PFKL: variants seen among roughly 807,000 people sequenced by gnomAD.
PFKL encodes phosphofructokinase, liver type.
Under a neutral mutation model 92.1 loss-of-function variants are expected in PFKL, and 74 were observed. The observed-to-expected ratio is 0.80, with a 90% CI of 0.67 to 0.97. The LOEUF (loss-of-function observed/expected upper bound fraction) is 0.97. Ranked by LOEUF, PFKL falls within the 50% of genes least tolerant of loss-of-function variation. The pLI is 0.00. For synonymous variants in PFKL, 494 were observed against 456.4 expected (o/e 1.08, Z -1.05); for missense variants, 1,028 against 1,116.6 (o/e 0.92, Z 1.13).
intron 20 of PFKL, 30 bp from the exon 21 acceptor site, chr21:44,326,129 T>G (rs749166215): frequency 2.9e-5 from 46 of 1,608,106 alleles, no homozygotes; most frequent in Non-Finnish European, 3.7e-5. Flanking sequence ...GGCCTCACCA[T>G]GGAGGGCTGC....
chr21:44,307,269 A>T, intron 2 of PFKL: 1 of 985,256 alleles, frequency 1.0e-6, no homozygotes, highest in Non-Finnish European at 1.2e-6. Flanking sequence ...GGAGCAGCGG[A>T]TGCCCTACTG....
chr21:44,325,190 C>T lies in PFKL; in HGVS notation c.1915C>T (p.Leu639=), dbSNP rs2047468856. ...KCHDYYTTEF[L]YNLYSSEGKG... is the part of the protein sequence containing the mutation. ...CCATGACTACTACACCACGGAGTTCCTGTACAACCTGTACTCATCAGAGGG... is the reference window on the plus strand; with the variant it reads ...CCATGACTACTACACCACGGAGTTCTTGTACAACCTGTACTCATCAGAGGG... Residue 639 remains leucine, a synonymous_variant, in exon 19 of 22, where the codon CTG becomes TTG. Coordinates refer to ENST00000349048, the MANE Select transcript of PFKL (RefSeq NM_002626.6). 3.7e-6 allele frequency: 6 copies of T among 1,613,080 alleles called. No individual in the cohort carries two copies. The South Asian group carries it at 5.5e-5, about 15-fold the overall frequency.
At position 44,318,520 on chromosome 21, in the gene PFKL, T is replaced by G. The variant is rs147090120; in HGVS notation, c.987T>G (p.Pro329=). 6.0e-4 allele frequency: 949 copies of G among 1,576,564 alleles called. No homozygotes were observed. Among genetic ancestry groups the G allele is most frequent in the Non-Finnish European group, 7.3e-4 (849 of 1,155,836 alleles). ...EAVMALLEAT[P]DTPACVVTLS... The stretch of plus-strand genomic sequence containing the variant: ...TGATGGCGCTGCTGGAAGCCACGCC[T>G]GACACGCCGGCCTGCGTGGTCACCC... Residue 329 remains proline (P), a synonymous_variant, in exon 10 of 22, where the codon CCT becomes CCG. Transcript: ENST00000349048.
In PFKL at chr21:44,323,069, G is replaced by A. The variant is rs537254856; in HGVS notation, c.1497+20G>A. On this transcript the variant is annotated intron_variant, in intron 15 of 21. Coordinates refer to ENST00000349048, the MANE Select transcript of PFKL (RefSeq NM_002626.6). ...TTTGAGGTGAGAGCTGCCCACGGAC[G>A]AAAAAGCCCCAGGGCACAGGAGACC... 73 of 1,058,434 alleles carry A rather than the reference G, an allele frequency of 6.9e-5. 1 individual carries two copies. In the South Asian group the frequency reaches 7.1e-4, roughly 10 times the overall value. 65.6% of individuals were successfully genotyped at this position (1,058,434 alleles called of 1,614,324 possible). A position where few individuals can be genotyped will look rare whatever the true frequency, so the allele number is the denominator to read the frequency against.
chr21:44,320,493 A>T (rs1359465732), intron 12 of PFKL: 3 of 185,190 alleles, frequency 1.6e-5, no homozygotes, highest in African/African-American at 2.4e-5. Flanking sequence ...TGGAAGGCTG[A>T]GGTGGCCAGT....
chr21:44,325,355 C>T (rs1336168420), intron 19 of PFKL, 91 bp downstream of exon 19: 15 of 798,688 alleles, frequency 1.9e-5, no homozygotes, highest in Non-Finnish European at 2.3e-5. Flanking sequence ...CTCACGGGCA[C>T]CCACGGGCAC....
intron 3 of PFKL, 76 bp downstream of exon 3, chr21:44,311,159 GAC>G (rs373074934): frequency 3.8e-5 from 42 of 1,096,774 alleles, no homozygotes; most frequent in African/African-American, 4.5e-5. Flanking sequence ...TGCACACACA[GAC>G]ACACACACAG....
chr21:44,306,338 AG>A (rs2040942454), intron 1 of PFKL, among the ~76,000 whole-genome samples: 1 of 152,128 alleles, frequency 6.6e-6, no homozygotes. Flanking sequence ...ACCATACTCC[AG>A]GTGCTCGGAA....
intron 11 of PFKL, 198 bp from the exon 12 acceptor site, chr21:44,319,886 G>A: frequency 1.8e-6 from 1 of 563,392 alleles, no homozygotes; most frequent in Non-Finnish European, 3.2e-6. Flanking sequence ...GGCTGGCGTG[G>A]CCTCGTGTTG....
rs1285104710 is a variant in PFKL at position 44,318,466 on chromosome 21, A to G, written c.937-4A>G. The G allele has an allele frequency of 2.6e-6, 4 of 1,530,666 alleles. No homozygotes were observed. The highest frequency in any genetic ancestry group is 3.5e-6 in the Non-Finnish European group (4 of 1,130,056). 94.8% of individuals were successfully genotyped at this position (1,530,666 alleles called of 1,614,324 possible). The stretch of plus-strand genomic sequence containing the variant: ...GGTGTGCCAGCCTGAACCCTTCCCC[A>G]CAGAGCAGCAAGATGGGCATGGAGG... On this transcript the variant is annotated splice_region_variant and splice_polypyrimidine_tract_variant and intron_variant, in intron 9 of 21. Transcript: ENST00000349048.
intron 3 of PFKL, among the ~76,000 whole-genome samples, chr21:44,311,685 G>A (rs1475063577): frequency 3.0e-4 from 46 of 152,224 alleles, no homozygotes; most frequent in Admixed American, 3.0e-3. Context: ...AGCCCTGGCT[G>A]AGGCTGGCTA....
intron 11 of PFKL, 33 bp from the exon 12 acceptor site, chr21:44,320,051 G>A: frequency 6.2e-7 from 1 of 1,601,600 alleles, no homozygotes. Flanking sequence ...GGCGCTGCAG[G>A]GCTGTGCATG....
Position 44,322,985 on chromosome 21 carries a change from A to C in PFKL, c.1433A>C (p.Glu478Ala). The C allele has an allele frequency of 6.2e-7, 1 of 1,612,442 alleles. No homozygotes were observed. The highest frequency in any genetic ancestry group is 8.5e-7 in the Non-Finnish European group (1 of 1,179,200). Reference protein sequence around the residue: ...TKRTLPKGQLESIVENIRIYG... With the variant: ...TKRTLPKGQLASIVENIRIYG... ...AGGACCCTGCCCAAGGGCCAGCTGG[A>C]GTCCATTGTGGAGAACATCCGCATC... is the stretch of plus-strand genomic sequence containing the variant. The change falls in exon 15 of 22, where the codon GAG becomes GCG. Residue 478 changes from glutamate to alanine, a missense_variant. Physicochemically the swap from Glu to Ala is moderately radical, Grantham distance 107 (BLOSUM62 -1). Coordinates refer to ENST00000349048, the MANE Select transcript of PFKL (RefSeq NM_002626.6).
At position 44,321,816 on chromosome 21, in the gene PFKL, T is replaced by G. The variant is rs754003768; in HGVS notation, c.1279T>G (p.Ser427Ala). 6.2e-7 allele frequency: 1 copy of G among 1,601,082 alleles called. No individual in the cohort carries two copies. The highest frequency in any genetic ancestry group is 1.3e-5 in the African/African-American group (1 of 74,356). ...GCGCTCGGCGGTGCGGACCGGCATC[T>G]CCCATGGACACACAGTATACGTGGT... ...AVRSAVRTGISHGHTVYVVHD... is the reference protein window; with the variant it reads ...AVRSAVRTGIAHGHTVYVVHD... Residue 427 changes from serine to alanine, a missense_variant, in exon 13 of 22, where the codon TCC becomes GCC. Ser to Ala is a moderately conservative substitution (Grantham distance 99, BLOSUM62 1). Coordinates refer to ENST00000349048, the MANE Select transcript of PFKL (RefSeq NM_002626.6).
At chr21:44,312,379 C>A in intron 4 of PFKL, 85 bp downstream of exon 4, 2 of 1,275,340 alleles carry the variant, frequency 1.6e-6, no homozygotes, top group Non-Finnish European at 2.1e-6. Flanking sequence ...GACAGAGGGA[C>A]GAGGGATCCC....
At position 44,304,462 on chromosome 21, in the gene PFKL, T is replaced by C. The variant is rs896003729; in HGVS notation, c.86-2219T>C. 2.5e-6 allele frequency: 3 copies of C among 1,201,368 alleles called. No individual in the cohort carries two copies. In the African/African-American group the frequency reaches 4.8e-5, roughly 19 times the overall value. The allele number at this position is 1,201,368 out of a possible 1,614,324, so 74.4% of individuals were successfully genotyped here. A position where few individuals can be genotyped will look rare whatever the true frequency, so the allele number is the denominator to read the frequency against. ...CAGCTGCTGCCTGCCAGAGGTGGGC[T>C]TGGACCTGTGGTGGGACCAGGTCTG... is the stretch of plus-strand genomic sequence containing the variant. On this transcript the variant is annotated intron_variant, in intron 1 of 21. Coordinates refer to ENST00000349048, the MANE Select transcript of PFKL (RefSeq NM_002626.6).
chr21:44,300,195 G>C lies in PFKL; in HGVS notation c.85+5G>C. The C allele has an allele frequency of 1.8e-6, 2 of 1,106,242 alleles. No individual in the cohort carries two copies. The highest frequency in any genetic ancestry group is 2.2e-6 in the Non-Finnish European group (2 of 906,102). 68.5% of individuals were successfully genotyped at this position (1,106,242 alleles called of 1,614,324 possible). A position where few individuals can be genotyped will look rare whatever the true frequency, so the allele number is the denominator to read the frequency against. ...CCAGCGGCGGCGACGCGCAAGGTGGGCGGGGGTCCCGGCCGCGTCGCGGCG... is the reference window on the plus strand; with the variant it reads ...CCAGCGGCGGCGACGCGCAAGGTGGCCGGGGGTCCCGGCCGCGTCGCGGCG... On this transcript the variant is annotated splice_donor_5th_base_variant and intron_variant, in intron 1 of 21. Transcript: ENST00000349048.
chr21:44,316,650 G>A (rs564047220), intron 9 of PFKL, 126 bp downstream of exon 9: 6 of 692,632 alleles, frequency 8.7e-6, no homozygotes, highest in South Asian at 3.7e-5. Flanking sequence ...GTGAGTGTCC[G>A]TGTCTGTGTG....
chr21:44,308,644 C>T (rs2041025016), intron 2 of PFKL, among the ~76,000 whole-genome samples: 1 of 151,338 alleles, frequency 6.6e-6, no homozygotes, highest in Non-Finnish European at 1.5e-5. Flanking sequence ...TCGCTGCAAC[C>T]TCTGCCTCCC....
Sources: allele counts gnomAD v4.1 joint callset (sites outside exome capture counted in the v4.1 genomes callset), GRCh38; gene constraint gnomAD v4.1.1; transcripts MANE v1.5; gene names NCBI Gene and HGNC (gene_info 2026-07-23, HGNC 2026-07-21).